The following MCCC2 variants were observed in gnomAD, a reference collection of about 807,000 sequenced individuals.
MCCC2 encodes methylcrotonyl-CoA carboxylase subunit 2, also known as methylcrotonoyl-CoA carboxylase beta chain, mitochondrial.
MCCC2 carries 52 observed loss-of-function variants against 77.2 expected under a neutral mutation model. The observed-to-expected ratio is 0.67, with a 90% confidence interval of 0.54 to 0.85. The LOEUF (loss-of-function observed/expected upper bound fraction) is 0.85, where lower values mean the gene tolerates loss of function less well. Among genes scored for constraint, MCCC2 ranks in the 40% least tolerant of loss-of-function variants. The pLI is 0.00. For synonymous variants in MCCC2, 253 were observed against 248.4 expected (o/e 1.02, Z -0.18); for missense variants, 682 against 703.2 (o/e 0.97, Z 0.34).
chr5:71,627,929 C>T (rs777827236), intron 7 of MCCC2, among the ~76,000 whole-genome samples: 8 of 152,026 alleles, frequency 5.3e-5, no homozygotes, highest in Non-Finnish European at 1.2e-4. Context: ...CTGCAACCTC[C>T]ACCTCCCAGG....
chr5:71,588,268 CAAAAA>C (rs11309257), intron 1 of MCCC2, among the ~76,000 whole-genome samples: 1 of 100,678 alleles, frequency 9.9e-6, no homozygotes. Flanking sequence ...AACTCTGTCT[CAAAAA>C]AAAAAAAAAA....
intron 6 of MCCC2, among the ~76,000 whole-genome samples, chr5:71,617,662 A>G (rs981671702): frequency 3.3e-5 from 5 of 152,182 alleles, no homozygotes; most frequent in Non-Finnish European, 7.4e-5. Flanking sequence ...ATATAAGTTA[A>G]TCACTTCTAA....
At position 71,621,192 on chromosome 5, in the gene MCCC2, GAGAAAGAAGCAGATAC is replaced by G. The variant is rs375046534; in HGVS notation, c.625-5445_625-5430del. Among the ~76,000 whole-genome samples the G allele has an allele frequency of 4.5e-3, 683 of 152,268 alleles. 4 individuals are homozygous for G. The highest frequency in any genetic ancestry group is 0.016 in the African/African-American group (653 of 41,536). ...GCCCTGGGATCCCTGTGCTTTGTGA[GAGAAAGAAGCAGATAC>G]AGGAAGAAGCAGATACAGCTGGGCA... On this transcript the variant is annotated intron_variant, in intron 6 of 16. Transcript: ENST00000340941.
Position 71,619,877 on chromosome 5 carries a change from G to C in MCCC2, c.625-6763G>C, listed in dbSNP as rs373733664. ...ATGGTGGTGGGTGCCTGTAGTCCCA[G>C]CTACTCGGGAGGCTGAGGCAGTAGA... On this transcript the variant is annotated intron_variant, in intron 6 of 16. Transcript: ENST00000340941. 2.6e-4 allele frequency among the ~76,000 whole-genome samples: 39 copies of C among 152,022 alleles called. No individual in the cohort carries two copies. In the East Asian group the frequency reaches 7.2e-3, roughly 28 times the overall value.
At position 71,599,690 on chromosome 5, in the gene MCCC2, G is replaced by A; in HGVS notation, c.313G>A (p.Gly105Ser). 1 of 1,614,078 alleles carries A rather than the reference G, an allele frequency of 6.2e-7. No homozygotes were observed. Among genetic ancestry groups the A allele is most frequent in the Non-Finnish European group, 8.5e-7 (1 of 1,179,964 alleles). ...SPFLELSQFA[G>S]YQLYDNEEVP... ...ATTTCTGGAATTATCCCAGTTTGCA[G>A]GTTACCAGTTATATGACAATGAGGA... Residue 105 changes from glycine to serine, a missense_variant, in exon 4 of 17, where the codon GGT (glycine) becomes AGT (serine). Gly to Ser is a moderately conservative substitution (Grantham distance 56, BLOSUM62 0). Coordinates refer to ENST00000340941, the MANE Select transcript of MCCC2 (RefSeq NM_022132.5).
intron 2 of MCCC2, among the ~76,000 whole-genome samples, chr5:71,594,555 G>T (rs1333684925): frequency 6.8e-6 from 1 of 147,386 alleles, no homozygotes; most frequent in African/African-American, 2.5e-5. Flanking sequence ...AGGTGGGTTT[G>T]ACTCAATGGA....
At chr5:71,636,065 T>C (rs937370896) in intron 10 of MCCC2, 1 of 384,734 alleles carries the variant, frequency 2.6e-6, no homozygotes, top group African/African-American at 2.1e-5. Flanking sequence ...TGTTTTACTT[T>C]TTCTAGTTTA....
At chr5:71,592,835 A>T in intron 1 of MCCC2, 91 bp from the exon 2 acceptor site, 7 of 980,680 alleles carry the variant, frequency 7.1e-6, no homozygotes, top group Middle Eastern at 2.3e-4. Context: ...GGCACAGACC[A>T]CTGTTTTTTT....
At chr5:71,632,332 ATTCT>A in intron 8 of MCCC2, 147 bp downstream of exon 8, 1 of 788,092 alleles carries the variant, frequency 1.3e-6, no homozygotes, top group Non-Finnish European at 2.2e-6. Flanking sequence ...TTAATGTTCA[ATTCT>A]TTGAACTGTA....
At chr5:71,626,401 G>A (rs983992315) in intron 6 of MCCC2, among the ~76,000 whole-genome samples, 2 of 152,170 alleles carry the variant, frequency 1.3e-5, no homozygotes, top group Non-Finnish European at 2.9e-5. Flanking sequence ...TCTTCTCTCT[G>A]ACAGGGAGAT....
intron 6 of MCCC2, among the ~76,000 whole-genome samples, chr5:71,606,389 T>C (rs1474493605): frequency 1.3e-5 from 2 of 152,204 alleles, no homozygotes; most frequent in Non-Finnish European, 2.9e-5. Context: ...CTGTTGTTGG[T>C]ATTTAAGAAT....
intron 6 of MCCC2, among the ~76,000 whole-genome samples, chr5:71,611,417 A>G (rs893295903): frequency 1.3e-5 from 2 of 152,212 alleles, no homozygotes; most frequent in Admixed American, 6.5e-5. Context: ...AGAAAAAGAA[A>G]AGAAAAGTTC....
At chr5:71,654,208 G>A (rs1747520529) in intron 16 of MCCC2, among the ~76,000 whole-genome samples, 1 of 152,132 alleles carries the variant, frequency 6.6e-6, no homozygotes, top group African/African-American at 2.4e-5. Context: ...TGTTGGCCAG[G>A]CTGGTCTTGA....
intron 8 of MCCC2, 79 bp from the exon 9 acceptor site, chr5:71,634,864 G>C: frequency 7.9e-7 from 1 of 1,269,382 alleles, no homozygotes; most frequent in Non-Finnish European, 1.1e-6. Flanking sequence ...CTTTAGATGA[G>C]AGAAGATACT....
chr5:71,643,305 G>C (rs1483092552), intron 11 of MCCC2, among the ~76,000 whole-genome samples: 1 of 151,554 alleles, frequency 6.6e-6, no homozygotes, highest in Non-Finnish European at 1.5e-5. Context: ...AGGATCACTT[G>C]AAGCCTGAGA....
chr5:71,657,574 GCACCACCA>G lies in MCCC2; in HGVS notation c.*719_*726del, dbSNP rs1747618700. On this transcript the variant is annotated 3_prime_UTR_variant, in exon 17 of 17. Coordinates refer to ENST00000340941, the MANE Select transcript of MCCC2 (RefSeq NM_022132.5). ...CCCAAGCAGCTGGGACTATAGGCAC[GCACCACCA>G]CACCCAGCTAAGTTCTGTATTTTTA... is the stretch of plus-strand genomic sequence containing the variant. The G allele has an allele frequency of 6.6e-6, 1 of 151,948 alleles. No individual in the cohort carries two copies. Among genetic ancestry groups the G allele is most frequent in the Admixed American group, 6.6e-5 (1 of 15,224 alleles). 9.4% of individuals were successfully genotyped at this position (151,948 alleles called of 1,614,324 possible).
chr5:71,602,235 G>T (rs1745464976), intron 4 of MCCC2, among the ~76,000 whole-genome samples: 1 of 151,992 alleles, frequency 6.6e-6, no homozygotes, highest in South Asian at 2.1e-4. Context: ...TAGGTTGTTA[G>T]TTTTTTATTA....
intron 6 of MCCC2, among the ~76,000 whole-genome samples, chr5:71,610,363 G>A (rs1017892157): frequency 7.9e-5 from 12 of 151,680 alleles, no homozygotes; most frequent in South Asian, 2.1e-4. Flanking sequence ...TCTTTGACTC[G>A]GAAAGGGAAC....
rs777939765 is a variant in MCCC2, at chr5:71,635,039, G to A, written c.900G>A (p.Leu300=). The A allele has an allele frequency of 1.9e-6, 3 of 1,613,826 alleles. No homozygotes were observed. The highest frequency in any genetic ancestry group is 1.7e-5 in the Admixed American group (1 of 60,008). Residue 300 remains leucine (L), a synonymous_variant, in exon 9 of 17, where the codon TTG becomes TTA. Transcript: ENST00000340941. ...GGAATCTAAATTATCAGAAGAAATT[G>A]GATGTGAGTACGATATGTTCTTATA... ...VVRNLNYQKK[L]DVTIEPSEEP... is the part of the protein sequence containing the mutation.
Sources: allele counts gnomAD v4.1 joint callset (sites outside exome capture counted in the v4.1 genomes callset), GRCh38; gene constraint gnomAD v4.1.1; transcripts MANE v1.5; gene names NCBI Gene and HGNC (gene_info 2026-07-23, HGNC 2026-07-21).